WWOX: variants seen among roughly 807,000 people sequenced by gnomAD.
WWOX encodes WW domain containing oxidoreductase.
WWOX carries 69 observed loss-of-function variants against 46.2 expected under a neutral mutation model. That is an observed-to-expected ratio of 1.49 (90% CI 1.23 to 1.82). WWOX has a LOEUF of 1.82. Among genes scored for constraint, WWOX ranks in the 40% most tolerant of loss-of-function variants. The probability of loss-of-function intolerance (pLI) is 0.00; values close to 1 mark genes in which losing one functional copy is unlikely to be tolerated. For missense variants in WWOX, 919 were observed against 542.6 expected, an observed-to-expected ratio of 1.69 and a Z score of -6.89; for synonymous variants, 359 against 202.6, an observed-to-expected ratio of 1.77 and a Z score of -6.56.
chr16:78,253,874 G>A (rs756667175), intron 5 of WWOX, among the ~76,000 whole-genome samples: 12 of 151,994 alleles, frequency 7.9e-5, no homozygotes, highest in Non-Finnish European at 1.5e-5. Flanking sequence ...ACATGCTTTC[G>A]GCATACACTT....
chr16:79,014,101 C>A (rs919442811), intron 8 of WWOX, among the ~76,000 whole-genome samples: 1 of 152,160 alleles, frequency 6.6e-6, no homozygotes, highest in African/African-American at 2.4e-5. Context: ...CGCTTTAGCC[C>A]GAGCTGGGTC....
chr16:78,217,663 C>T (rs1221049445), intron 5 of WWOX, among the ~76,000 whole-genome samples: 7 of 151,960 alleles, frequency 4.6e-5, no homozygotes, highest in African/African-American at 1.5e-4. Flanking sequence ...CCAGGTGTCT[C>T]GGAAAGTGTT....
chr16:78,721,496 G>C (rs943969451), intron 8 of WWOX, among the ~76,000 whole-genome samples: 1 of 152,172 alleles, frequency 6.6e-6, no homozygotes, highest in Non-Finnish European at 1.5e-5. Flanking sequence ...AAACTCTATT[G>C]CTGGTGGCGG....
chr16:78,962,391 C>T (rs1024982433), intron 8 of WWOX, among the ~76,000 whole-genome samples: 10 of 129,896 alleles, frequency 7.7e-5, no homozygotes, highest in African/African-American at 2.6e-4. Flanking sequence ...AGGCTCTGGA[C>T]AAGGGCTAGG....
chr16:78,784,196 C>T (rs1883979393), intron 8 of WWOX, among the ~76,000 whole-genome samples: 1 of 152,138 alleles, frequency 6.6e-6, no homozygotes, highest in African/African-American at 2.4e-5. Context: ...CATTCAATCA[C>T]TCAACCCTTG....
chr16:78,773,101 GC>G (rs2142526472), intron 8 of WWOX, among the ~76,000 whole-genome samples: 1 of 152,284 alleles, frequency 6.6e-6, no homozygotes, highest in African/African-American at 2.4e-5. Flanking sequence ...TTGCTCAGTG[GC>G]TAGTGAGTGG....
intron 8 of WWOX, among the ~76,000 whole-genome samples, chr16:78,787,618 G>A (rs997237598): frequency 6.6e-6 from 1 of 152,276 alleles, no homozygotes; most frequent in East Asian, 1.9e-4. Flanking sequence ...ATGCTGCTAT[G>A]ATCATACATG....
chr16:78,990,999 G>A (rs904569892), intron 8 of WWOX, among the ~76,000 whole-genome samples: 2 of 152,220 alleles, frequency 1.3e-5, no homozygotes, highest in African/African-American at 4.8e-5. Flanking sequence ...AGCCTGTTTG[G>A]ATCTTGGTCA....
At chr16:78,624,756 A>G (rs2046272618) in intron 8 of WWOX, among the ~76,000 whole-genome samples, 1 of 152,196 alleles carries the variant, frequency 6.6e-6, no homozygotes, top group African/African-American at 2.4e-5. Flanking sequence ...CTGGCTGGAA[A>G]TTATTTATTG....
chr16:78,529,089 G>C (rs888171056), intron 8 of WWOX, among the ~76,000 whole-genome samples: 3 of 151,498 alleles, frequency 2.0e-5, no homozygotes, highest in African/African-American at 7.3e-5. Flanking sequence ...GAGTCACTGG[G>C]ACTACAGGTG....
At chr16:78,679,156 C>G (rs774103135) in intron 8 of WWOX, among the ~76,000 whole-genome samples, 19 of 152,102 alleles carry the variant, frequency 1.2e-4, no homozygotes, top group Non-Finnish European at 2.4e-4. Flanking sequence ...AGGATTGTGT[C>G]CCCCAGTGAC....
chr16:78,751,021 C>G (rs2049463791), intron 8 of WWOX, among the ~76,000 whole-genome samples: 1 of 152,048 alleles, frequency 6.6e-6, no homozygotes, highest in African/African-American at 2.4e-5. Flanking sequence ...AATAAGATTG[C>G]TAGGTCAAAT....
At chr16:79,103,596 A>T (rs1371651663) in intron 8 of WWOX, among the ~76,000 whole-genome samples, 1 of 152,216 alleles carries the variant, frequency 6.6e-6, no homozygotes, top group Non-Finnish European at 1.5e-5. Context: ...TTCAATCTGT[A>T]GTTTGACTTT....
rs10618216 is a variant in WWOX at position 78,267,756 on chromosome 16, C to CTGAT, written c.516+103494_516+103497dup. Among the ~76,000 whole-genome samples the CTGAT allele has an allele frequency of 5.3e-3, 807 of 151,886 alleles. 2 individuals carry two copies. Among genetic ancestry groups the CTGAT allele is most frequent in the Middle Eastern group, 0.01 (3 of 292 alleles). On this transcript the variant is annotated intron_variant, in intron 5 of 8. Coordinates refer to ENST00000566780, the MANE Select transcript of WWOX (RefSeq NM_016373.4). ...TAGTGAGGGATAGTATCTGTTCCACCTGATTGATTGATTGATTGATTGATT... is the reference window on the plus strand; with the variant it reads ...TAGTGAGGGATAGTATCTGTTCCACCTGATTGATTGATTGATTGATTGATTGATT...
intron 8 of WWOX, among the ~76,000 whole-genome samples, chr16:78,840,921 G>T (rs754324533): frequency 2.0e-5 from 3 of 152,100 alleles, no homozygotes; most frequent in Non-Finnish European, 4.4e-5. Flanking sequence ...GTTCTCAATA[G>T]TAGGACTATT....
intron 8 of WWOX, among the ~76,000 whole-genome samples, chr16:78,969,070 C>G (rs1485138053): frequency 6.6e-6 from 1 of 152,112 alleles, no homozygotes; most frequent in East Asian, 1.9e-4. Flanking sequence ...GTTATTTCCT[C>G]CATTAGAGAC....
chr16:78,773,625 G>A (rs1422975918), intron 8 of WWOX, among the ~76,000 whole-genome samples: 1 of 152,158 alleles, frequency 6.6e-6, no homozygotes, highest in Non-Finnish European at 1.5e-5. Flanking sequence ...TAGAGTGCAG[G>A]TGCCTCTCAT....
chr16:79,082,984 G>A (rs1233549302), intron 8 of WWOX, among the ~76,000 whole-genome samples: 4 of 152,058 alleles, frequency 2.6e-5, no homozygotes, highest in Admixed American at 6.6e-5. Flanking sequence ...TGGTGTGAGT[G>A]GTTCCCAAAA....
At chr16:78,690,266 G>A (rs2047955254) in intron 8 of WWOX, among the ~76,000 whole-genome samples, 1 of 152,144 alleles carries the variant, frequency 6.6e-6, no homozygotes, top group South Asian at 2.1e-4. Flanking sequence ...AATAATGTTT[G>A]TTGGCCAGGC....
Sources: gnomAD v4.1 joint callset for allele counts (sites outside exome capture counted in the v4.1 genomes callset) on GRCh38, gnomAD v4.1.1 for gene constraint, MANE v1.5 for transcripts, NCBI Gene and HGNC (gene_info 2026-07-23, HGNC 2026-07-21) for gene names.